DMD: variants seen among roughly 807,000 people sequenced by gnomAD.
DMD encodes the protein mutant dystrophin.
A neutral mutation model predicts 330.1 loss-of-function variants in DMD; 63 were observed. The observed-to-expected ratio is 0.19, with a 90% CI of 0.16 to 0.24. The LOEUF is 0.24. Ranked by LOEUF, DMD falls within the 10% of genes least tolerant of loss-of-function variation. DMD has a pLI of 1.00. For missense variants in DMD, 3,344 were observed against 2,684.1 expected, an observed-to-expected ratio of 1.25 and a Z score of -5.43; for synonymous variants, 1,223 against 959.8, an observed-to-expected ratio of 1.27 and a Z score of -5.07.
intron 1 of DMD, among the ~76,000 whole-genome samples, chrX:33,232,917 C>G (rs73623927): frequency 0.21 from 22,962 of 110,372 alleles, 4,198 homozygotes; most frequent in African/African-American, 0.6. Context: ...AAGATTACCA[C>G]AGAAATGGCG....
intron 3 of DMD, among the ~76,000 whole-genome samples, chrX:32,845,773 T>C (rs974934782): frequency 3.6e-5 from 4 of 112,462 alleles, no homozygotes; most frequent in Admixed American, 2.8e-4. Context: ...TTGTGCTGTC[T>C]GGCCTACATA....
intron 2 of DMD, among the ~76,000 whole-genome samples, chrX:33,012,270 T>C (rs999811056): frequency 9.0e-6 from 1 of 111,688 alleles, no homozygotes; most frequent in African/African-American, 3.2e-5. Flanking sequence ...TTTAGTATAA[T>C]CATCTTGATT....
intron 44 of DMD, among the ~76,000 whole-genome samples, chrX:32,216,649 T>G (rs996374694): frequency 2.7e-5 from 3 of 111,489 alleles, no homozygotes; most frequent in African/African-American, 9.8e-5. Flanking sequence ...GTTACGATGC[T>G]TCCCTCTGTC....
At chrX:31,998,793 A>G (rs2095606525) in intron 44 of DMD, among the ~76,000 whole-genome samples, 1 of 112,353 alleles carries the variant, frequency 8.9e-6, no homozygotes, top group Admixed American at 9.5e-5. Context: ...ATTCAAAGAC[A>G]TAAAAGAATA....
intron 60 of DMD, among the ~76,000 whole-genome samples, chrX:31,421,904 C>CATATATATATGTATAT (rs1205689227): frequency 1.6e-5 from 1 of 63,136 alleles, no homozygotes; most frequent in African/African-American, 1.2e-4. Context: ...TATATATACA[C>CATATATATATGTATAT]ACACACACAC....
chrX:32,496,726 C>T (rs2043526465), intron 19 of DMD, among the ~76,000 whole-genome samples: 1 of 112,835 alleles, frequency 8.9e-6, no homozygotes, highest in Non-Finnish European at 1.9e-5. Flanking sequence ...CACAGAGGCT[C>T]TTCCTTTTGG....
intron 11 of DMD, among the ~76,000 whole-genome samples, chrX:32,635,360 C>T (rs146390417): frequency 0.013 from 1,427 of 111,375 alleles, 19 homozygotes; most frequent in African/African-American, 0.031. Flanking sequence ...CTAGTGTGGA[C>T]AGTTGTTCAA....
intron 30 of DMD, among the ~76,000 whole-genome samples, chrX:32,395,890 T>A (rs762412771): frequency 9.0e-6 from 1 of 111,501 alleles, no homozygotes; most frequent in African/African-American, 3.3e-5. Flanking sequence ...TAAGTTTCAG[T>A]GCCTCTCACT....
chrX:32,574,954 A>G (rs1338928492), intron 13 of DMD, among the ~76,000 whole-genome samples: 2 of 108,826 alleles, frequency 1.8e-5, no homozygotes, highest in African/African-American at 6.7e-5. Context: ...CTGGAGTGCA[A>G]TGGCACTATC....
intron 48 of DMD, among the ~76,000 whole-genome samples, chrX:31,848,442 T>G (rs143879816): frequency 2.3e-3 from 255 of 111,743 alleles, no homozygotes; most frequent in African/African-American, 8.1e-3. Context: ...AGTGTTCAAC[T>G]TCAAAGAACA....
chrX:31,249,384 G>T (rs938248687), intron 63 of DMD, among the ~76,000 whole-genome samples: 1 of 111,147 alleles, frequency 9.0e-6, no homozygotes, highest in African/African-American at 3.3e-5. Flanking sequence ...TGGTACTACA[G>T]GCAGACGCCA....
intron 62 of DMD, among the ~76,000 whole-genome samples, chrX:31,288,532 C>T (rs922604076): frequency 9.0e-6 from 1 of 111,497 alleles, no homozygotes; most frequent in Non-Finnish European, 1.9e-5. Flanking sequence ...GGTATGTTCC[C>T]GACAATTTAT....
chrX:31,341,127 A>AAAT (rs2057705477), intron 61 of DMD, among the ~76,000 whole-genome samples: 1 of 112,122 alleles, frequency 8.9e-6, no homozygotes, highest in African/African-American at 3.2e-5. Context: ...TTATACTATC[A>AAAT]AGCTGATAGT....
At chrX:33,250,085 T>TTTTATA (rs1484050730) in intron 1 of DMD, among the ~76,000 whole-genome samples, 1 of 75,436 alleles carries the variant, frequency 1.3e-5, no homozygotes, top group African/African-American at 7.2e-5. Flanking sequence ...AAACTATTCA[T>TTTTATA]TATATATATA....
intron 1 of DMD, among the ~76,000 whole-genome samples, chrX:33,327,196 G>A (rs1427944947): frequency 9.0e-6 from 1 of 111,676 alleles, no homozygotes; most frequent in East Asian, 2.8e-4. Flanking sequence ...AAATTTCTAA[G>A]TGGAAGTACT....
Position 32,699,017 on chromosome X carries a change from T to A in DMD, c.831+95A>T, listed in dbSNP as rs72470518. On this transcript the variant is annotated intron_variant, in intron 8 of 78. Coordinates refer to ENST00000357033, the MANE Select transcript of DMD (RefSeq NM_004006.3). The stretch of plus-strand genomic sequence containing the variant: ...GGCTTTGTATATATACACGTGTATA[T>A]ACATATAAGTTATATATATATGTGC... 1,331 of 746,070 alleles carry A rather than the reference T, an allele frequency of 1.8e-3. 16 individuals carry two copies. The African/African-American group carries it at 0.025, about 14-fold the overall frequency. The allele number at this position is 746,070 out of a possible 1,213,427, so 61.5% of individuals were successfully genotyped here. A position where few individuals can be genotyped will look rare whatever the true frequency, so the allele number is the denominator to read the frequency against.
intron 55 of DMD, among the ~76,000 whole-genome samples, chrX:31,535,757 T>C (rs1167887679): frequency 8.9e-6 from 1 of 112,007 alleles, no homozygotes; most frequent in Admixed American, 9.5e-5. Context: ...AGGACTATAG[T>C]TTGCCATTGT....
At chrX:31,502,141 G>T (rs957645591) in intron 56 of DMD, among the ~76,000 whole-genome samples, 1 of 111,536 alleles carries the variant, frequency 9.0e-6, no homozygotes, top group Non-Finnish European at 1.9e-5. Flanking sequence ...AGACTTAAAT[G>T]TAAGACCTCA....
intron 55 of DMD, among the ~76,000 whole-genome samples, chrX:31,532,050 GA>G: frequency 1.2e-5 from 1 of 84,237 alleles, no homozygotes. Flanking sequence ...AACCAAGTTG[GA>G]AAACACTCTG....
Sources: allele counts gnomAD v4.1 joint callset (sites outside exome capture counted in the v4.1 genomes callset), GRCh38; gene constraint gnomAD v4.1.1; transcripts MANE v1.5; gene names NCBI Gene and HGNC (gene_info 2026-07-23, HGNC 2026-07-21).